Variants in KCNK3 observed in about 807,000 individuals in gnomAD.
The protein encoded by KCNK3 is potassium channel subfamily K member 3.
In KCNK3, 9 loss-of-function variants were observed where a neutral mutation model predicts 27.3. The observed-to-expected ratio is 0.33, with a 90% CI of 0.20 to 0.57. The LOEUF (loss-of-function observed/expected upper bound fraction) is 0.57, where lower values mean the gene tolerates loss of function less well. KCNK3 is among the 20% of genes least tolerant of loss of function. The pLI is 0.87. For missense variants in KCNK3, 391 were observed against 577.7 expected (o/e 0.68, Z 3.31); for synonymous variants, 278 against 273.8 (o/e 1.02, Z -0.15).
At chr2:26,702,941 C>T (rs1316533235) in intron 1 of KCNK3, among the ~76,000 whole-genome samples, 2 of 152,028 alleles carry the variant, frequency 1.3e-5, no homozygotes, top group African/African-American at 4.8e-5. Context: ...CATGGTGAAA[C>T]CCTGTTGCTA....
At position 26,731,872 on chromosome 2, in the gene KCNK3, C is replaced by G. The variant is rs928509664; in HGVS notation, c.*3304C>G. 1 of 152,190 alleles carries G rather than the reference C, an allele frequency of 6.6e-6. No individual in the cohort carries two copies. Among genetic ancestry groups the G allele is most frequent in the Admixed American group, 6.5e-5 (1 of 15,268 alleles). The allele number at this position is 152,190 out of a possible 1,614,324, so 9.4% of individuals were successfully genotyped here. ...ACTGGGGATTGCTATTCCAGTGCTC[C>G]CCATCCTCACACAGACTGCACAGTC... On this transcript the variant is annotated 3_prime_UTR_variant, in exon 2 of 2. Transcript: ENST00000302909.
At chr2:26,717,849 C>A (rs141537557) in intron 1 of KCNK3, among the ~76,000 whole-genome samples, 1 of 152,350 alleles carries the variant, frequency 6.6e-6, no homozygotes, top group African/African-American at 2.4e-5. Flanking sequence ...TCAGGCTCAT[C>A]TCTGATGCCT....
At position 26,728,203 on chromosome 2, in the gene KCNK3, G is replaced by C. The variant is rs1289618388; in HGVS notation, c.820G>C (p.Gly274Arg). 1.3e-6 allele frequency: 2 copies of C among 1,562,500 alleles called. No homozygotes were observed. Among genetic ancestry groups the C allele is most frequent in the Non-Finnish European group, 1.7e-6 (2 of 1,153,860 alleles). The change falls in exon 2 of 2, where the codon GGA (glycine) becomes CGA (arginine). Residue 274 changes from glycine (G) to arginine (R), a missense_variant. This residue lies in a region of KCNK3 where 192 missense variants were observed against 196.0 expected (regional missense o/e 0.98). Coordinates refer to ENST00000302909, the MANE Select transcript of KCNK3 (RefSeq NM_002246.3). Reference protein sequence around the residue: ...LTRNGQAGGGGGGGSAHTTDT... With the variant: ...LTRNGQAGGGRGGGSAHTTDT... ...GCGCAACGGGCAGGCGGGCGGCGGC[G>C]GAGGGGGTGGCAGCGCGCACACTAC...
intron 1 of KCNK3, among the ~76,000 whole-genome samples, chr2:26,699,251 A>AAGCAAGCC (rs1553384433): frequency 3.0e-5 from 4 of 134,258 alleles, no homozygotes; most frequent in African/African-American, 1.3e-4. Context: ...GAAAGAAAGA[A>AAGCAAGCC]AGCCAGCCAA....
chr2:26,697,479 T>TAGG (rs1670250064), intron 1 of KCNK3, among the ~76,000 whole-genome samples: 1 of 152,184 alleles, frequency 6.6e-6, no homozygotes, highest in Admixed American at 6.5e-5. Context: ...CACTCCAGCC[T>TAGG]AGGGCACCTA....
chr2:26,706,445 G>A (rs1486572951), intron 1 of KCNK3, among the ~76,000 whole-genome samples: 1 of 152,164 alleles, frequency 6.6e-6, no homozygotes, highest in Non-Finnish European at 1.5e-5. Context: ...CCTCCACTGG[G>A]AACAAATCTG....
At chr2:26,696,122 C>T (rs1020035821) in intron 1 of KCNK3, among the ~76,000 whole-genome samples, 27 of 152,314 alleles carry the variant, frequency 1.8e-4, no homozygotes, top group African/African-American at 5.8e-4. Flanking sequence ...TCTGAGATAC[C>T]GGGTGTCCCA....
intron 1 of KCNK3, among the ~76,000 whole-genome samples, chr2:26,720,728 A>G (rs1200561942): frequency 6.6e-6 from 1 of 152,142 alleles, no homozygotes; most frequent in Non-Finnish European, 1.5e-5. Flanking sequence ...AGTGGGGGGA[A>G]GAGCTGGGAG....
intron 1 of KCNK3, among the ~76,000 whole-genome samples, chr2:26,708,235 CAGA>C (rs1670399112): frequency 6.6e-6 from 1 of 152,116 alleles, no homozygotes; most frequent in Non-Finnish European, 1.5e-5. Flanking sequence ...AGGGGAAGAG[CAGA>C]TGCAAAGGCC....
At chr2:26,723,969 A>G (rs1264484995) in intron 1 of KCNK3, among the ~76,000 whole-genome samples, 1 of 152,218 alleles carries the variant, frequency 6.6e-6, no homozygotes, top group Admixed American at 6.5e-5. Flanking sequence ...AGGCCTGGAC[A>G]GAGGAGAGAA....
At position 26,728,742 on chromosome 2, in the gene KCNK3, C is replaced by G; in HGVS notation, c.*174C>G. 1 of 545,000 alleles carries G rather than the reference C, an allele frequency of 1.8e-6. No individual in the cohort carries two copies. Among genetic ancestry groups the G allele is most frequent in the Non-Finnish European group, 2.8e-6 (1 of 353,658 alleles). The allele number at this position is 545,000 out of a possible 1,614,324, so 33.8% of individuals were successfully genotyped here. ...CTGCTTGCACCAGCCGGCAGGAGGC[C>G]GGGCTCTGAGGACCCCTGGGGCCCC... On this transcript the variant is annotated 3_prime_UTR_variant, in exon 2 of 2. Transcript: ENST00000302909.
At chr2:26,709,077 GAGCAA>G (rs1663051524) in intron 1 of KCNK3, among the ~76,000 whole-genome samples, 1 of 152,150 alleles carries the variant, frequency 6.6e-6, no homozygotes, top group Non-Finnish European at 1.5e-5. Context: ...TTTTTGACCT[GAGCAA>G]CCAGGTGGAG....
intron 1 of KCNK3, among the ~76,000 whole-genome samples, chr2:26,705,625 G>T (rs1429730850): frequency 6.6e-6 from 1 of 152,126 alleles, no homozygotes. Flanking sequence ...CCGTAGTAGG[G>T]ATATTAGAGA....
intron 1 of KCNK3, among the ~76,000 whole-genome samples, chr2:26,705,043 C>A (rs915294472): frequency 6.6e-6 from 1 of 152,116 alleles, no homozygotes; most frequent in African/African-American, 2.4e-5. Flanking sequence ...TGGCTCACTG[C>A]AGCCTCGACT....
intron 1 of KCNK3, among the ~76,000 whole-genome samples, chr2:26,710,374 C>A (rs761628467): frequency 6.6e-6 from 1 of 152,130 alleles, no homozygotes; most frequent in Admixed American, 6.5e-5. Context: ...TCAAGAAGGG[C>A]CTCGGTGCTT....
intron 1 of KCNK3, among the ~76,000 whole-genome samples, chr2:26,701,685 T>G (rs1211227929): frequency 6.6e-6 from 1 of 152,256 alleles, no homozygotes; most frequent in Non-Finnish European, 1.5e-5. Flanking sequence ...CTCATGCCTG[T>G]GATCCCAACA....
intron 1 of KCNK3, among the ~76,000 whole-genome samples, chr2:26,726,900 A>G (rs969113033): frequency 1.6e-4 from 24 of 152,278 alleles, no homozygotes; most frequent in African/African-American, 5.8e-4. Flanking sequence ...GACAGATCCT[A>G]CATCAGGTCA....
intron 1 of KCNK3, among the ~76,000 whole-genome samples, chr2:26,711,374 A>G (rs888762892): frequency 2.0e-5 from 3 of 151,656 alleles, no homozygotes; most frequent in Non-Finnish European, 4.4e-5. Context: ...GCTGCCCCGC[A>G]CTCTCCCACT....
At chr2:26,720,957 G>A (rs1210527593) in intron 1 of KCNK3, among the ~76,000 whole-genome samples, 1 of 152,152 alleles carries the variant, frequency 6.6e-6, no homozygotes, top group Non-Finnish European at 1.5e-5. Context: ...GTGCAGGGGG[G>A]ATTCCTTCTG....
Sources: allele counts gnomAD v4.1 joint callset (sites outside exome capture counted in the v4.1 genomes callset), GRCh38; gene constraint gnomAD v4.1.1; regional missense constraint gnomAD v4.1.1; transcripts MANE v1.5; gene names NCBI Gene and HGNC (gene_info 2026-07-23, HGNC 2026-07-21).